The following ITSN2 variants were observed in gnomAD, a reference collection of about 807,000 sequenced individuals.
The protein encoded by ITSN2 is intersectin-2.
ITSN2 carries 156 observed loss-of-function variants against 243.7 expected under a neutral mutation model. The observed-to-expected ratio is 0.64, with a 90% confidence interval of 0.56 to 0.73. The LOEUF is 0.73. Among genes scored for constraint, ITSN2 ranks in the 30% least tolerant of loss-of-function variants. The probability of loss-of-function intolerance (pLI) is 0.00; values close to 1 mark genes in which losing one functional copy is unlikely to be tolerated. For synonymous variants in ITSN2, 703 were observed against 699.9 expected (o/e 1.00, Z -0.07); for missense variants, 1,801 against 1,996.1 (o/e 0.90, Z 1.86).
intron 1 of ITSN2, among the ~76,000 whole-genome samples, chr2:24,359,982 C>T (rs1688803829): frequency 6.6e-6 from 1 of 152,218 alleles, no homozygotes; most frequent in South Asian, 2.1e-4. Flanking sequence ...CCCCGACCCT[C>T]GCCGGCGTCC....
chr2:24,307,696 T>C (rs868055334), intron 8 of ITSN2, among the ~76,000 whole-genome samples: 2 of 152,210 alleles, frequency 1.3e-5, no homozygotes, highest in Non-Finnish European at 1.5e-5. Flanking sequence ...TCCAATCGAT[T>C]CCAAAAGTCT....
In ITSN2 at chr2:24,310,616, C is replaced by T. The variant is rs748771870; in HGVS notation, c.429G>A (p.Ala143=). The change falls in exon 6 of 40, where the codon GCG becomes GCA. Residue 143 remains alanine, a synonymous_variant. Transcript: ENST00000355123. ...PAAPITSLSS[A]TSGTNLPPLM... ...AGGGAGGAAGGTTGGTCCCTGAAGT[C>T]GCAGAAGACAATGATGTTATAGGTG... The T allele has an allele frequency of 8.7e-5, 140 of 1,613,882 alleles. No homozygotes were observed. Among genetic ancestry groups the T allele is most frequent in the South Asian group, 1.1e-5 (1 of 91,078 alleles).
intron 2 of ITSN2, among the ~76,000 whole-genome samples, 188 bp downstream of exon 2, chr2:24,327,864 T>C (rs901804911): frequency 6.6e-6 from 1 of 152,196 alleles, no homozygotes; most frequent in African/African-American, 2.4e-5. Flanking sequence ...TTCCAGAATA[T>C]AGTCATGGGA....
At position 24,203,540 on chromosome 2, in the gene ITSN2, G is replaced by C; in HGVS notation, c.*86C>G. The C allele has an allele frequency of 1.5e-6, 2 of 1,358,494 alleles. No homozygotes were observed. Among genetic ancestry groups the C allele is most frequent in the Non-Finnish European group, 1.0e-6 (1 of 1,003,158 alleles). The allele number at this position is 1,358,494 out of a possible 1,614,324, so 84.2% of individuals were successfully genotyped here. A position where few individuals can be genotyped will look rare whatever the true frequency, so the allele number is the denominator to read the frequency against. On this transcript the variant is annotated 3_prime_UTR_variant, in exon 40 of 40. Transcript: ENST00000355123. ...TTTGTGAGGGGTGAAGCTGCATGGT[G>C]CTCCCTCAGCCCCAAGAGAGCGCAG...
chr2:24,248,512 T>C, intron 27 of ITSN2, 117 bp downstream of exon 27: 1 of 715,024 alleles, frequency 1.4e-6, no homozygotes, highest in Non-Finnish European at 2.2e-6. Context: ...TTGATATTGA[T>C]TACCTCTAAG....
At chr2:24,358,129 T>A (rs1414073580) in intron 1 of ITSN2, among the ~76,000 whole-genome samples, 1 of 152,218 alleles carries the variant, frequency 6.6e-6, no homozygotes, top group Admixed American at 6.5e-5. Context: ...TTGGTCAGTC[T>A]CAAACTCCTG....
chr2:24,273,930 A>C (rs1677690782), intron 18 of ITSN2, among the ~76,000 whole-genome samples: 1 of 152,192 alleles, frequency 6.6e-6, no homozygotes, highest in Non-Finnish European at 1.5e-5. Flanking sequence ...TGGTACTAAG[A>C]CCCAGCTTCA....
At chr2:24,285,375 CCTTT>C (rs1016492566) in intron 16 of ITSN2, among the ~76,000 whole-genome samples, 1 of 152,130 alleles carries the variant, frequency 6.6e-6, no homozygotes, top group African/African-American at 2.4e-5. Context: ...ACCATGTTGT[CCTTT>C]CTTTAGCATG....
At chr2:24,355,837 G>A (rs180944244) in intron 1 of ITSN2, among the ~76,000 whole-genome samples, 356 of 152,302 alleles carry the variant, frequency 2.3e-3, no homozygotes, top group Non-Finnish European at 4.1e-3. Flanking sequence ...GGCCGAGGTG[G>A]GAGGATCACC....
At position 24,248,837 on chromosome 2, in the gene ITSN2, C is replaced by T; in HGVS notation, c.3166G>A (p.Glu1056Lys). The T allele has an allele frequency of 6.2e-7, 1 of 1,613,698 alleles. No individual in the cohort carries two copies. The highest frequency in any genetic ancestry group is 1.3e-5 in the African/African-American group (1 of 75,028). ...SKSGASNKKP[E>K]IAQVTSAYVA... ...TTTTTAAGATCACTACTATACGTAC[C>T]AGGTTTTTTATTTGATGCTCCAGAC... Residue 1056 changes from glutamate to lysine, a missense_variant and splice_region_variant, in exon 26 of 40, where the codon GAG (glutamate) becomes AAG (lysine). This residue lies in a region of ITSN2 where 928 missense variants were observed against 1,065.4 expected (regional missense o/e 0.87). Coordinates refer to ENST00000355123, the MANE Select transcript of ITSN2 (RefSeq NM_006277.3).
chr2:24,236,670 TTTC>T (rs1159707642), intron 29 of ITSN2, among the ~76,000 whole-genome samples: 2 of 17,810 alleles, frequency 1.1e-4, no homozygotes, highest in African/African-American at 2.2e-4. Flanking sequence ...TGTGTTTTTT[TTTC>T]TTTTTTTTTT....
intron 29 of ITSN2, among the ~76,000 whole-genome samples, chr2:24,236,764 G>A (rs1479535023): frequency 2.0e-5 from 3 of 150,334 alleles, no homozygotes; most frequent in Non-Finnish European, 4.4e-5. Context: ...CGATCTCCCA[G>A]GCTCAATTGA....
In ITSN2 at chr2:24,357,350, A is replaced by G. The variant is rs189241233; in HGVS notation, c.-34+2954T>C. ...AGGGACATGGACGAAACTGGAAGCC[A>G]TCATCCTCAGCAAACTAACACAGGA... On this transcript the variant is annotated intron_variant, in intron 1 of 39. Coordinates refer to ENST00000355123, the MANE Select transcript of ITSN2 (RefSeq NM_006277.3). 2.4e-3 allele frequency among the ~76,000 whole-genome samples: 373 copies of G among 152,344 alleles called. 1 individual carries two copies. Among genetic ancestry groups the G allele is most frequent in the Non-Finnish European group, 4.1e-3 (280 of 68,034 alleles).
At chr2:24,270,937 TA>T (rs1044216281) in intron 19 of ITSN2, among the ~76,000 whole-genome samples, 169 bp from the exon 20 acceptor site, 3 of 152,128 alleles carry the variant, frequency 2.0e-5, no homozygotes, top group Admixed American at 2.0e-4. Context: ...AGTCATCTAA[TA>T]AAAAAGCAAA....
chr2:24,312,157 C>T, intron 5 of ITSN2, 55 bp downstream of exon 5: 2 of 1,380,936 alleles, frequency 1.4e-6, no homozygotes, highest in Non-Finnish European at 2.0e-6. Flanking sequence ...CTCAAATATG[C>T]CTAGGGATAA....
chr2:24,232,797 C>T (rs1288181189), intron 29 of ITSN2, among the ~76,000 whole-genome samples: 1 of 152,192 alleles, frequency 6.6e-6, no homozygotes, highest in Non-Finnish European at 1.5e-5. Context: ...AAGTCTTATA[C>T]TTTCCAATGG....
rs745556945 is a variant in ITSN2 at position 24,271,886 on chromosome 2, C to T, written c.2137G>A (p.Glu713Lys). The T allele has an allele frequency of 4.5e-6, 4 of 879,630 alleles. No individual in the cohort carries two copies. Among genetic ancestry groups the T allele is most frequent in the East Asian group, 4.8e-5 (1 of 21,042 alleles). 54.5% of individuals were successfully genotyped at this position (879,630 alleles called of 1,614,324 possible). Residue 713 changes from glutamate (E) to lysine (K), a missense_variant, in exon 19 of 40, where the codon GAA becomes AAA. By Grantham distance (56) the Glu-to-Lys change is moderately conservative (BLOSUM62 1). Around this residue, in one of 5 missense-constraint regions of ITSN2, gnomAD observed 787 missense variants for 803.9 expected, o/e 0.98. Coordinates refer to ENST00000355123, the MANE Select transcript of ITSN2 (RefSeq NM_006277.3). ...LWKENLRKEE[E>K]EKQKRLQEEK... ...TCCTGGAGTCGCTTTTGTTTTTCTT[C>T]TTCCTCCTTTCTAAGATTTTCTTTC...
intron 1 of ITSN2, among the ~76,000 whole-genome samples, chr2:24,347,275 GA>G (rs1687623370): frequency 6.6e-6 from 1 of 151,892 alleles, no homozygotes; most frequent in African/African-American, 2.4e-5. Context: ...CAAAAATAGA[GA>G]AAGAAGCAAA....
At chr2:24,347,203 T>C (rs1224917605) in intron 1 of ITSN2, among the ~76,000 whole-genome samples, 8 of 152,092 alleles carry the variant, frequency 5.3e-5, no homozygotes, top group African/African-American at 1.9e-4. Context: ...CAAAAATAGA[T>C]TGCAAGGATG....
Sources: allele counts gnomAD v4.1 joint callset (sites outside exome capture counted in the v4.1 genomes callset), GRCh38; gene constraint gnomAD v4.1.1; regional missense constraint gnomAD v4.1.1; transcripts MANE v1.5; gene names NCBI Gene and HGNC (gene_info 2026-07-23, HGNC 2026-07-21).